SLC24A2: variants seen among roughly 807,000 people sequenced by gnomAD.
The protein encoded by SLC24A2 is solute carrier family 24 member 2.
Under a neutral mutation model 62.0 loss-of-function variants are expected in SLC24A2, and 36 were observed. That is an observed-to-expected ratio of 0.58 (90% confidence interval 0.44 to 0.77). SLC24A2 has a LOEUF of 0.77. Among genes scored for constraint, SLC24A2 ranks in the 30% least tolerant of loss-of-function variants. SLC24A2 has a pLI of 0.00. For missense variants in SLC24A2, 846 were observed against 817.9 expected (o/e 1.03, Z -0.42); for synonymous variants, 358 against 294.0 (o/e 1.22, Z -2.23).
At chr9:19,947,575 G>C in the SLC24A2 span, among the ~76,000 whole-genome samples, 145 of 152,026 alleles carry the variant, frequency 9.5e-4, no homozygotes, top group African/African-American at 3.4e-3. Context: ...CACATCATGA[G>C]GTCAAGAGAT....
the SLC24A2 span, among the ~76,000 whole-genome samples, chr9:20,041,564 C>T: frequency 6.6e-6 from 1 of 152,202 alleles, no homozygotes; most frequent in Non-Finnish European, 1.5e-5. Flanking sequence ...CTTGTATCAT[C>T]AAAATCAGTG....
At chr9:20,194,735 T>C in the SLC24A2 span, among the ~76,000 whole-genome samples, 2 of 152,152 alleles carry the variant, frequency 1.3e-5, no homozygotes, top group African/African-American at 4.8e-5. Context: ...CTCTCATTTC[T>C]CTACTTTTTC....
chr9:20,262,677 G>A, the SLC24A2 span, among the ~76,000 whole-genome samples: 1 of 152,190 alleles, frequency 6.6e-6, no homozygotes, highest in African/African-American at 2.4e-5. Context: ...GCACCAGCCT[G>A]TATAAAATGG....
chr9:19,731,244 G>C (rs927775511), intron 2 of SLC24A2, among the ~76,000 whole-genome samples: 1 of 152,136 alleles, frequency 6.6e-6, no homozygotes, highest in African/African-American at 2.4e-5. Flanking sequence ...TAAACTACTA[G>C]TATAACTTAT....
chr9:19,709,520 G>A (rs529956117), intron 2 of SLC24A2, among the ~76,000 whole-genome samples: 1 of 151,824 alleles, frequency 6.6e-6, no homozygotes, highest in African/African-American at 2.4e-5. Flanking sequence ...GTCCAACAAC[G>A]ATAGACTGGA....
At chr9:20,099,172 T>G in the SLC24A2 span, among the ~76,000 whole-genome samples, 1 of 152,230 alleles carries the variant, frequency 6.6e-6, no homozygotes, top group Non-Finnish European at 1.5e-5. Flanking sequence ...GGAGATTGTA[T>G]AGCTTCTTTA....
At chr9:19,971,957 G>C in the SLC24A2 span, among the ~76,000 whole-genome samples, 1 of 152,074 alleles carries the variant, frequency 6.6e-6, no homozygotes, top group Non-Finnish European at 1.5e-5. Flanking sequence ...AGTGACCTTT[G>C]TCCTTTGACT....
the SLC24A2 span, among the ~76,000 whole-genome samples, chr9:20,306,442 C>G: frequency 3.1e-4 from 47 of 152,258 alleles, no homozygotes; most frequent in African/African-American, 1.0e-3. Flanking sequence ...TAATTTTTTC[C>G]CAAAAGGTTC....
the SLC24A2 span, among the ~76,000 whole-genome samples, chr9:19,832,036 T>C: frequency 6.6e-6 from 1 of 152,254 alleles, no homozygotes; most frequent in African/African-American, 2.4e-5. Flanking sequence ...AAGTCTGTAG[T>C]AGTGCAATAG....
At chr9:20,049,285 A>T in the SLC24A2 span, among the ~76,000 whole-genome samples, 8 of 152,214 alleles carry the variant, frequency 5.3e-5, no homozygotes, top group Admixed American at 1.3e-4. Flanking sequence ...ATGTTTGAAC[A>T]CCTATGAAAA....
At chr9:19,681,486 C>G (rs1472936454) in intron 2 of SLC24A2, among the ~76,000 whole-genome samples, 2 of 152,056 alleles carry the variant, frequency 1.3e-5, no homozygotes, top group Non-Finnish European at 1.5e-5. Context: ...AATGTAATCT[C>G]CACAAGGGCA....
chr9:19,537,343 G>C (rs1025995569), intron 8 of SLC24A2, among the ~76,000 whole-genome samples: 69 of 106,184 alleles, frequency 6.5e-4, no homozygotes, highest in African/African-American at 1.3e-3. Context: ...TAGGTCTAAC[G>C]TTTAAATCTT....
chr9:20,121,136 ACCT>A, the SLC24A2 span, among the ~76,000 whole-genome samples: 1 of 147,850 alleles, frequency 6.8e-6, no homozygotes, highest in Non-Finnish European at 1.5e-5. Context: ...ATTTAGAATC[ACCT>A]CCTAATTTCT....
chr9:19,619,983 T>C (rs1040190388), intron 3 of SLC24A2, among the ~76,000 whole-genome samples: 1 of 152,164 alleles, frequency 6.6e-6, no homozygotes, highest in Non-Finnish European at 1.5e-5. Flanking sequence ...ATGAACCCTA[T>C]GAACTAGATG....
At chr9:19,827,782 G>T in the SLC24A2 span, among the ~76,000 whole-genome samples, 1 of 152,060 alleles carries the variant, frequency 6.6e-6, no homozygotes, top group Admixed American at 6.6e-5. Context: ...CTTATTAGCT[G>T]GGTGAGAAGA....
the SLC24A2 span, among the ~76,000 whole-genome samples, chr9:20,118,909 T>A: frequency 6.6e-6 from 1 of 152,154 alleles, no homozygotes; most frequent in East Asian, 1.9e-4. Flanking sequence ...TCAAAGGTGG[T>A]GAGATGTCAC....
the SLC24A2 span, among the ~76,000 whole-genome samples, chr9:19,907,461 T>C: frequency 6.6e-6 from 1 of 152,186 alleles, no homozygotes; most frequent in Non-Finnish European, 1.5e-5. Context: ...AACATAGTGT[T>C]GGAAGTTCTA....
At chr9:19,961,143 GAGA>G in the SLC24A2 span, among the ~76,000 whole-genome samples, 1 of 6,498 alleles carries the variant, frequency 1.5e-4, no homozygotes, top group African/African-American at 4.5e-4. Context: ...AGAAAGGGGA[GAGA>G]GAGAGAGAGA....
chr9:20,236,055 C>T, the SLC24A2 span, among the ~76,000 whole-genome samples: 4 of 152,088 alleles, frequency 2.6e-5, no homozygotes, highest in African/African-American at 2.4e-5. Context: ...AACTAGATAT[C>T]GCTTTATAGA....
Sources: gnomAD v4.1 joint callset for allele counts (sites outside exome capture counted in the v4.1 genomes callset) on GRCh38, gnomAD v4.1.1 for gene constraint, MANE v1.5 for transcripts, NCBI Gene and HGNC (gene_info 2026-07-23, HGNC 2026-07-21) for gene names.